Variants in RADIL observed in about 807,000 individuals in gnomAD.
The protein encoded by RADIL is Rap associating with DIL domain.
In RADIL, 99 loss-of-function variants were observed where a neutral mutation model predicts 97.6. That is an observed-to-expected ratio of 1.01 (90% CI 0.86 to 1.20). The LOEUF (loss-of-function observed/expected upper bound fraction) is 1.20. RADIL is among the 50% of genes most tolerant of loss of function. RADIL has a pLI of 0.00. For missense variants in RADIL, 1,765 were observed against 1,498.9 expected (o/e 1.18, Z -2.93); for synonymous variants, 803 against 691.8 (o/e 1.16, Z -2.52).
chr7:4,878,484 G>T lies in RADIL; in HGVS notation c.-64-281C>A, dbSNP rs1341113802. Among the ~76,000 whole-genome samples, 1 of 152,202 alleles carries T rather than the reference G, an allele frequency of 6.6e-6. No homozygotes were observed. Among genetic ancestry groups the T allele is most frequent in the East Asian group, 1.9e-4 (1 of 5,194 alleles). The stretch of plus-strand genomic sequence containing the variant: ...GAGCCCAGGAGTTCAAGATTGCAGT[G>T]AGCTATGATAGTGCCACGGCCCTCC... On this transcript the variant is annotated intron_variant, in intron 1 of 14. Coordinates refer to ENST00000399583, the MANE Select transcript of RADIL (RefSeq NM_018059.5). The surrounding 1 kb of genome is among the most constrained non-coding windows in gnomAD (Gnocchi z 4.1).
intron 6 of RADIL, among the ~76,000 whole-genome samples, chr7:4,820,258 G>A (rs1782794441): frequency 6.6e-6 from 1 of 152,246 alleles, no homozygotes; most frequent in South Asian, 2.1e-4. Context: ...AGCCCTGGAG[G>A]ATGGCAGAGT....
chr7:4,805,647 G>A lies in RADIL; in HGVS notation c.2209C>T (p.His737Tyr). The change falls in exon 10 of 15, where the codon CAC (histidine) becomes TAC (tyrosine). Residue 737 changes from histidine (H) to tyrosine (Y), a missense_variant. His to Tyr is a moderately conservative substitution (Grantham distance 83). Coordinates refer to ENST00000399583, the MANE Select transcript of RADIL (RefSeq NM_018059.5). ...CCCATGGCCGAGGCCAGCTGGTAGT[G>A]AGTCAGCAGCCGGTGCAGCTGTGCT... The part of the protein sequence containing the change: ...SPAQLHRLLT[H>Y]YQLASAMGPM... 2 of 1,611,838 alleles carry A rather than the reference G, an allele frequency of 1.2e-6. No individual in the cohort carries two copies. Among genetic ancestry groups the A allele is most frequent in the South Asian group, 1.1e-5 (1 of 91,080 alleles).
At chr7:4,816,514 G>A in intron 7 of RADIL, 49 bp from the exon 8 acceptor site, 2 of 1,511,088 alleles carry the variant, frequency 1.3e-6, no homozygotes, top group Non-Finnish European at 1.8e-6. Context: ...AGGAGCGCTG[G>A]CGGCCGAACG....
At chr7:4,859,935 G>A in intron 2 of RADIL, 2 of 1,613,658 alleles carry the variant, frequency 1.2e-6, no homozygotes, top group Non-Finnish European at 1.7e-6. Context: ...GTTTCCTGAA[G>A]GTCTGGATGG....
intron 11 of RADIL, among the ~76,000 whole-genome samples, chr7:4,802,691 G>A (rs1379862348): frequency 1.8e-5 from 2 of 108,286 alleles, no homozygotes; most frequent in African/African-American, 7.2e-5. Context: ...GTACCTCGGG[G>A]CACGCTGGCT....
At chr7:4,809,534 G>A (rs942483474) in intron 9 of RADIL, 2 of 985,258 alleles carry the variant, frequency 2.0e-6, no homozygotes, top group Non-Finnish European at 2.4e-6. Flanking sequence ...GCGGCTGCTC[G>A]GGAGCCCCCA....
intron 2 of RADIL, among the ~76,000 whole-genome samples, chr7:4,848,067 A>G (rs1425867774): frequency 6.6e-6 from 1 of 152,016 alleles, no homozygotes; most frequent in Non-Finnish European, 1.5e-5. Flanking sequence ...ATGGTGGCAC[A>G]CATCTGTAGT....
At position 4,815,431 on chromosome 7, in the gene RADIL, G is replaced by A. The variant is rs1490917238; in HGVS notation, c.1986C>T (p.Phe662=). ...AGGCCTGGACACCTCTGGGCCAGTG[G>A]AAGCAGCTCAGGGAGGGGCCTGTGG... is the stretch of plus-strand genomic sequence containing the variant. ...LLDRGPSLSC[F]HWPRGVQACA... Residue 662 remains phenylalanine, a synonymous_variant, in exon 9 of 15, where the codon TTC becomes TTT. Transcript: ENST00000399583. This position sits in a 1 kb window ranked among gnomAD's most constrained non-coding sequence, Gnocchi z 8.0. 2 of 1,539,230 alleles carry A rather than the reference G, an allele frequency of 1.3e-6. No individual in the cohort carries two copies. Among genetic ancestry groups the A allele is most frequent in the Admixed American group, 2.1e-5 (1 of 48,462 alleles).
rs909071343 is a variant in RADIL at position 4,824,219 on chromosome 7, G to A, written c.1455-1665C>T. ...GTCCCTTACTGGGGGGATTCTAAGG[G>A]GTGAGCCAGGCAGCTGCCACTCTGC... On this transcript the variant is annotated intron_variant, in intron 5 of 14. Transcript: ENST00000399583. This position sits in a 1 kb window ranked among gnomAD's most constrained non-coding sequence, Gnocchi z 6.7. Among the ~76,000 whole-genome samples, 1 of 152,232 alleles carries A rather than the reference G, an allele frequency of 6.6e-6. No homozygotes were observed. The highest frequency in any genetic ancestry group is 2.4e-5 in the African/African-American group (1 of 41,464).
At chr7:4,846,149 G>A (rs1244278793) in intron 2 of RADIL, among the ~76,000 whole-genome samples, 2 of 140,922 alleles carry the variant, frequency 1.4e-5, no homozygotes, top group African/African-American at 5.2e-5. Flanking sequence ...TTTTTTTAAA[G>A]AGACGGAGTC....
rs1323900420 is a variant in RADIL, at chr7:4,819,494, C to G, written c.1616-2143G>C. 6.6e-6 allele frequency among the ~76,000 whole-genome samples: 1 copy of G among 152,116 alleles called. No individual in the cohort carries two copies. Among genetic ancestry groups the G allele is most frequent in the Non-Finnish European group, 1.5e-5 (1 of 68,026 alleles). On this transcript the variant is annotated intron_variant, in intron 6 of 14. Transcript: ENST00000399583. The surrounding 1 kb of genome is among the most constrained non-coding windows in gnomAD (Gnocchi z 5.8). ...CCAGCCGGCTGCCCCTGCCCTGCCC[C>G]GAAACTCCAGGACCCCTGAGGAAGC...
Position 4,832,574 on chromosome 7 carries a change from A to G in RADIL, c.1417-396T>C, listed in dbSNP as rs190599196. On this transcript the variant is annotated intron_variant, in intron 4 of 14. Transcript: ENST00000399583. ...GACAACATGGTGAAACCCCATCTCT[A>G]CTAAAAATACAAAAATTAGCCGGGT... Among the ~76,000 whole-genome samples the G allele has an allele frequency of 1.5e-3, 226 of 152,096 alleles. 2 individuals carry two copies. The highest frequency in any genetic ancestry group is 5.1e-3 in the African/African-American group (211 of 41,504).
Position 4,873,677 on chromosome 7 carries a change from C to T in RADIL, c.535+3928G>A, listed in dbSNP as rs77600041. Among the ~76,000 whole-genome samples the T allele has an allele frequency of 0.024, 3,639 of 152,336 alleles. 148 individuals are homozygous for T. Among genetic ancestry groups the T allele is most frequent in the African/African-American group, 0.084 (3,490 of 41,554 alleles). On this transcript the variant is annotated intron_variant, in intron 2 of 14. Coordinates refer to ENST00000399583, the MANE Select transcript of RADIL (RefSeq NM_018059.5). This position sits in a 1 kb window ranked among gnomAD's most constrained non-coding sequence, Gnocchi z 4.3. ...CCCCCCACCTTCCCCCAAAGCGACA[C>T]GGTGACACATGCCCCACACTGAGGG...
rs1400003268 is a variant in RADIL, at chr7:4,815,386, G to A, written c.2031C>T (p.Leu677=). The part of the protein sequence containing the change: ...GVQACARLQQ[L]LEWMRSAGFG... Reference sequence around the variant, plus strand: ...AGCCGGCGCTCCGCATCCACTCCAGGAGCTGCTGCAGGCGGGCGCAGGCCT... The same window carrying A: ...AGCCGGCGCTCCGCATCCACTCCAGAAGCTGCTGCAGGCGGGCGCAGGCCT... The change falls in exon 9 of 15, where the codon CTC becomes CTT. Residue 677 remains leucine (L), a synonymous_variant. Transcript: ENST00000399583. The surrounding 1 kb of genome is among the most constrained non-coding windows in gnomAD (Gnocchi z 8.0). 5.1e-6 allele frequency: 8 copies of A among 1,565,396 alleles called. No homozygotes were observed. The highest frequency in any genetic ancestry group is 1.9e-5 in the Admixed American group (1 of 51,816).
chr7:4,865,707 T>C, intron 2 of RADIL: 1 of 1,021,660 alleles, frequency 9.8e-7, no homozygotes, highest in Non-Finnish European at 1.6e-6. Context: ...CATCTGTGAT[T>C]CCATCTTCTA....
At chr7:4,805,321 G>C in intron 10 of RADIL, 1 of 443,058 alleles carries the variant, frequency 2.3e-6, no homozygotes, top group Admixed American at 3.7e-5. Flanking sequence ...ACCTGAGCCT[G>C]GAGTTTGGAA....
intron 2 of RADIL, among the ~76,000 whole-genome samples, chr7:4,874,119 G>A (rs942322734): frequency 1.2e-4 from 18 of 152,242 alleles, no homozygotes; most frequent in African/African-American, 4.3e-4. Flanking sequence ...CCAGGGATGT[G>A]CACAGAGGCC....
Position 4,813,196 on chromosome 7 carries a change from G to T in RADIL, c.2139+2082C>A, listed in dbSNP as rs189152181. Among the ~76,000 whole-genome samples, 28 of 151,670 alleles carry T rather than the reference G, an allele frequency of 1.8e-4. No individual in the cohort carries two copies. Among genetic ancestry groups the T allele is most frequent in the African/African-American group, 3.9e-4 (16 of 41,320 alleles). ...TGGTGTGATCATGGCTCACTGAAGC[G>T]TTTAATTCCTGGACTCAAATGATCC... On this transcript the variant is annotated intron_variant, in intron 9 of 14. Coordinates refer to ENST00000399583, the MANE Select transcript of RADIL (RefSeq NM_018059.5). This position sits in a 1 kb window ranked among gnomAD's most constrained non-coding sequence, Gnocchi z 5.0.
In RADIL at chr7:4,817,503, G is replaced by A. The variant is rs1782708907; in HGVS notation, c.1616-152C>T. On this transcript the variant is annotated intron_variant, in intron 6 of 14. Transcript: ENST00000399583. The surrounding 1 kb of genome is among the most constrained non-coding windows in gnomAD (Gnocchi z 8.3). ...CGATAAACTGGCCGAGGGACTCTGG[G>A]CCCTGGCTGGGACGAGCGCAGCAAA... is the stretch of plus-strand genomic sequence containing the variant. 1 of 647,578 alleles carries A rather than the reference G, an allele frequency of 1.5e-6. No homozygotes were observed. 40.1% of individuals were successfully genotyped at this position (647,578 alleles called of 1,614,324 possible). A position where few individuals can be genotyped will look rare whatever the true frequency, so the allele number is the denominator to read the frequency against.
Sources: allele counts gnomAD v4.1 joint callset (sites outside exome capture counted in the v4.1 genomes callset), GRCh38; gene constraint gnomAD v4.1.1; non-coding constraint Gnocchi (gnomAD v3.1); transcripts MANE v1.5; gene names NCBI Gene and HGNC (gene_info 2026-07-23, HGNC 2026-07-21).